The following MDN1 variants were observed in gnomAD, a reference collection of about 807,000 sequenced individuals.
MDN1 encodes midasin.
In MDN1, 266 loss-of-function variants were observed where a neutral mutation model predicts 669.2. The observed-to-expected ratio is 0.40, with a 90% confidence interval of 0.36 to 0.44. MDN1 has a LOEUF of 0.44. Among genes scored for constraint, MDN1 ranks in the 20% least tolerant of loss-of-function variants. The probability of loss-of-function intolerance (pLI) is 1.00; values close to 1 mark genes in which losing one functional copy is unlikely to be tolerated. For synonymous variants in MDN1, 2,385 were observed against 2,457.1 expected (o/e 0.97, Z 0.87); for missense variants, 5,940 against 6,754.0 (o/e 0.88, Z 4.22).
Position 89,674,515 on chromosome 6 carries a change from G to T in MDN1, c.12836C>A (p.Pro4279His). The stretch of plus-strand genomic sequence containing the variant: ...TGTCCACTGCTGCACGCCATCCTGA[G>T]GGGGGAAGGCCACGGGGTAGGCCTG... The part of the protein sequence containing the change: ...GPQAYPVAFP[P>H]QDGVQQWTER... Residue 4279 changes from proline (P) to histidine (H), a missense_variant, in exon 79 of 102, where the codon CCT (proline) becomes CAT (histidine). Transcript: ENST00000369393. 2 of 1,609,264 alleles carry T rather than the reference G, an allele frequency of 1.2e-6. No individual in the cohort carries two copies. Among genetic ancestry groups the T allele is most frequent in the Non-Finnish European group, 1.7e-6 (2 of 1,179,668 alleles).
intron 29 of MDN1, 119 bp downstream of exon 29, chr6:89,745,154 A>G: frequency 1.9e-6 from 2 of 1,073,606 alleles, no homozygotes; most frequent in Non-Finnish European, 2.5e-6. Context: ...AAAAAAAAAG[A>G]AAAAAGAGGA....
chr6:89,786,813 T>A (rs1818985761), intron 8 of MDN1, among the ~76,000 whole-genome samples: 1 of 149,988 alleles, frequency 6.7e-6, no homozygotes, highest in African/African-American at 2.5e-5. Context: ...TAATCCCAGC[T>A]ACCTGGCAGG....
intron 7 of MDN1, 134 bp downstream of exon 7, chr6:89,789,646 T>C (rs1819146027): frequency 5.9e-6 from 6 of 1,025,472 alleles, no homozygotes; most frequent in South Asian, 1.8e-5. Flanking sequence ...TAAGTAACCA[T>C]GAAGTACCTG....
chr6:89,745,134 TAAAA>T (rs60588845), intron 29 of MDN1, 135 bp downstream of exon 29: 8 of 282,314 alleles, frequency 2.8e-5, no homozygotes, highest in South Asian at 1.2e-4. Context: ...AGTCTCTTCT[TAAAA>T]AAAAAAAAAA....
At chr6:89,778,072 G>A (rs553352434) in intron 11 of MDN1, among the ~76,000 whole-genome samples, 1 of 152,178 alleles carries the variant, frequency 6.6e-6, no homozygotes, top group Admixed American at 6.5e-5. Flanking sequence ...TAGGCAGTGG[G>A]CAAGGTGAAC....
chr6:89,664,648 A>C lies in MDN1; in HGVS notation c.14095-20T>G. The C allele has an allele frequency of 6.3e-7, 1 of 1,578,066 alleles. No homozygotes were observed. The highest frequency in any genetic ancestry group is 8.7e-7 in the Non-Finnish European group (1 of 1,155,618). On this transcript the variant is annotated intron_variant, in intron 84 of 101. Coordinates refer to ENST00000369393, the MANE Select transcript of MDN1 (RefSeq NM_014611.3). The stretch of plus-strand genomic sequence containing the variant: ...TTCCACCTACATAAAGAAGTATTAA[A>C]CATAAATAAATGAAACTTTACCAAT...
At chr6:89,720,419 T>C (rs201043717) in intron 40 of MDN1, among the ~76,000 whole-genome samples, 2 of 151,620 alleles carry the variant, frequency 1.3e-5, no homozygotes, top group East Asian at 3.9e-4. Flanking sequence ...AAAAAAAAAT[T>C]CCCAATCTAG....
At chr6:89,772,456 T>C in intron 14 of MDN1, 117 bp downstream of exon 14, 3 of 1,075,612 alleles carry the variant, frequency 2.8e-6, no homozygotes, top group South Asian at 3.5e-5. Flanking sequence ...AGAGATTACA[T>C]GTGGGGTGCT....
Position 89,696,496 on chromosome 6 carries a change from A to C in MDN1, c.9247T>G (p.Trp3083Gly). The C allele has an allele frequency of 6.2e-7, 1 of 1,614,248 alleles. No individual in the cohort carries two copies. Residue 3083 changes from tryptophan (W) to glycine (G), a missense_variant, in exon 60 of 102, where the codon TGG becomes GGG. Coordinates refer to ENST00000369393, the MANE Select transcript of MDN1 (RefSeq NM_014611.3). ...AGAATGGGGAGGCCACTCACATCCC[A>C]GGGACTTGCTCTCCAGCTGCTGGTT... ...VLTSSWRASPWDVSGLPILSS... is the reference protein window; with the variant it reads ...VLTSSWRASPGDVSGLPILSS...
chr6:89,652,060 T>C, intron 95 of MDN1, 132 bp downstream of exon 95: 1 of 667,362 alleles, frequency 1.5e-6, no homozygotes, highest in African/African-American at 1.8e-5. Context: ...TTTAGGATTG[T>C]AATTATATTC....
chr6:89,689,165 AG>A (rs1340094827), intron 65 of MDN1, among the ~76,000 whole-genome samples: 1 of 152,208 alleles, frequency 6.6e-6, no homozygotes. Context: ...CAGCAACATC[AG>A]CAACAATGAA....
At chr6:89,786,184 G>C (rs144050441) in intron 8 of MDN1, among the ~76,000 whole-genome samples, 1 of 152,064 alleles carries the variant, frequency 6.6e-6, no homozygotes, top group Non-Finnish European at 1.5e-5. Context: ...GCTTGAACCC[G>C]GGAGGCAGAG....
chr6:89,687,068 G>A (rs1166988954), intron 68 of MDN1, 45 bp from the exon 69 acceptor site: 5 of 1,600,648 alleles, frequency 3.1e-6, no homozygotes, highest in Non-Finnish European at 3.4e-6. Context: ...AAACCTATTT[G>A]AAATATCTGA....
chr6:89,692,386 G>A (rs888674505), intron 63 of MDN1, 57 bp downstream of exon 63: 1 of 1,500,670 alleles, frequency 6.7e-7, no homozygotes, highest in Non-Finnish European at 9.0e-7. Context: ...CCGCCCTGCT[G>A]TGAACCTGGC....
Position 89,648,251 on chromosome 6 carries a change from C to A in MDN1, c.16280+5G>T. 1.2e-6 allele frequency: 2 copies of A among 1,613,826 alleles called. No homozygotes were observed. Among genetic ancestry groups the A allele is most frequent in the African/African-American group, 1.3e-5 (1 of 75,008 alleles). ...TTTCATAAAGGAATTACAAAGCAACCTTACCTACACACTGCAATCTGACCC... is the reference window on the plus strand; with the variant it reads ...TTTCATAAAGGAATTACAAAGCAACATTACCTACACACTGCAATCTGACCC... On this transcript the variant is annotated splice_donor_5th_base_variant and intron_variant, in intron 98 of 101. Transcript: ENST00000369393.
At chr6:89,710,582 C>T (rs2128311621) in intron 50 of MDN1, 99 bp downstream of exon 50, 5 of 548,002 alleles carry the variant, frequency 9.1e-6, no homozygotes, top group Non-Finnish European at 1.2e-5. Context: ...TAAAAAATAC[C>T]GTTATGTTGA....
rs529842955 is a variant in MDN1 at position 89,759,597 on chromosome 6, C to G, written c.2461-637G>C. On this transcript the variant is annotated intron_variant, in intron 17 of 101. Coordinates refer to ENST00000369393, the MANE Select transcript of MDN1 (RefSeq NM_014611.3). ...TGACCAACATAGTGAAACCCCATCT[C>G]TACTAAAAATACAAAAAATAGCCGG... Among the ~76,000 whole-genome samples the G allele has an allele frequency of 2.0e-5, 3 of 152,166 alleles. No homozygotes were observed. In the South Asian group the frequency reaches 6.2e-4, roughly 32 times the overall value.
intron 70 of MDN1, among the ~76,000 whole-genome samples, chr6:89,685,327 T>A (rs1223723446): frequency 7.2e-5 from 11 of 152,306 alleles, no homozygotes; most frequent in East Asian, 5.8e-4. Flanking sequence ...GAGCTTTTTT[T>A]AAAAGATGGC....
chr6:89,705,264 T>G (rs531403073), intron 53 of MDN1, among the ~76,000 whole-genome samples: 77 of 152,034 alleles, frequency 5.1e-4, no homozygotes, highest in Admixed American at 9.8e-4. Flanking sequence ...AATTTATGGG[T>G]TTTTTTTATG....
Sources: allele counts gnomAD v4.1 joint callset (sites outside exome capture counted in the v4.1 genomes callset), GRCh38; gene constraint gnomAD v4.1.1; transcripts MANE v1.5; gene names NCBI Gene and HGNC (gene_info 2026-07-23, HGNC 2026-07-21).